The following PGAM5 variants were observed in gnomAD, a reference collection of about 807,000 sequenced individuals.
PGAM5 encodes PGAM family member 5, mitochondrial serine/threonine protein phosphatase.
Under a neutral mutation model 30.6 loss-of-function variants are expected in PGAM5, and 25 were observed. That is an observed-to-expected ratio of 0.82 (90% CI 0.60 to 1.14). The LOEUF (loss-of-function observed/expected upper bound fraction) is 1.14, where lower values mean the gene tolerates loss of function less well. Among genes scored for constraint, PGAM5 ranks in the 50% most tolerant of loss-of-function variants. The pLI, the probability that PGAM5 is intolerant of heterozygous loss-of-function variation, is 0.00. For missense variants in PGAM5, 384 were observed against 408.5 expected (o/e 0.94, Z 0.52); for synonymous variants, 201 against 179.1 (o/e 1.12, Z -0.98).
chr12:132,711,097 C>T (rs2136077149), intron 1 of PGAM5, 30 bp downstream of exon 1: 3 of 1,198,190 alleles, frequency 2.5e-6, no homozygotes, highest in South Asian at 4.2e-5. Context: ...GGGCCGGGGT[C>T]GGGATGGGGG....
intron 5 of PGAM5, 96 bp downstream of exon 5, chr12:132,718,216 T>C (rs2043603082): frequency 1.3e-6 from 2 of 1,509,660 alleles, no homozygotes; most frequent in East Asian, 2.3e-5. Flanking sequence ...CCACTGCCGA[T>C]GCCACCCTAG....
intron 2 of PGAM5, among the ~76,000 whole-genome samples, chr12:132,715,707 C>T (rs1195923386): frequency 6.6e-6 from 1 of 151,952 alleles, no homozygotes; most frequent in East Asian, 1.9e-4. Flanking sequence ...GGCGAAACCT[C>T]GTCACTACTA....
intron 5 of PGAM5, 67 bp downstream of exon 5, chr12:132,718,187 A>AG: frequency 1.3e-6 from 2 of 1,588,614 alleles, no homozygotes; most frequent in Non-Finnish European, 1.7e-6. Flanking sequence ...ATGAGGAAGA[A>AG]GCCGAGCGAG....
chr12:132,720,653 T>C (rs1187516830), intron 5 of PGAM5, 25 bp from the exon 6 acceptor site: 2 of 1,529,528 alleles, frequency 1.3e-6, no homozygotes, highest in Non-Finnish European at 1.8e-6. Context: ...TAACGTGCTC[T>C]TTCTCTCTCT....
chr12:132,719,351 T>G (rs2043620755), intron 5 of PGAM5, among the ~76,000 whole-genome samples: 1 of 152,142 alleles, frequency 6.6e-6, no homozygotes, highest in African/African-American at 2.4e-5. Context: ...CTGGGGCTGC[T>G]GGGAGCACCA....
chr12:132,711,619 C>T (rs2043523594), intron 1 of PGAM5: 1 of 151,862 alleles, frequency 6.6e-6, no homozygotes, highest in Non-Finnish European at 1.5e-5. Flanking sequence ...CCCATCTCTA[C>T]AAAAAATACA....
intron 5 of PGAM5, chr12:132,719,250 T>C (rs1372213104): frequency 8.9e-6 from 10 of 1,118,956 alleles, no homozygotes; most frequent in African/African-American, 1.7e-5. Context: ...ACGAGTCCTG[T>C]GGTGGGAGGA....
chr12:132,716,755 G>A (rs2043581735), intron 2 of PGAM5, among the ~76,000 whole-genome samples: 2 of 152,198 alleles, frequency 1.3e-5, no homozygotes, highest in Admixed American at 1.3e-4. Flanking sequence ...ATGGGATAGT[G>A]CCTGTTCATG....
rs557299798 is a variant in PGAM5 at position 132,717,756 on chromosome 12, C to G, written c.543C>G (p.Ile181Met). Reference sequence around the variant, plus strand: ...ATCTGCTGCGGGAAGGCGCCCCCATCGAGCCAGACCCGCCCGTGTCTCATT... The same window carrying G: ...ATCTGCTGCGGGAAGGCGCCCCCATGGAGCCAGACCCGCCCGTGTCTCATT... ...STDLLREGAPIEPDPPVSHWK... is the reference protein window; with the variant it reads ...STDLLREGAPMEPDPPVSHWK... Residue 181 changes from isoleucine (I) to methionine (M), a missense_variant, in exon 4 of 6, where the codon ATC (isoleucine) becomes ATG (methionine). Coordinates refer to ENST00000498926, the MANE Select transcript of PGAM5 (RefSeq NM_001170543.2). 18 of 1,585,244 alleles carry G rather than the reference C, an allele frequency of 1.1e-5. No homozygotes were observed. The highest frequency in any genetic ancestry group is 2.3e-5 in the East Asian group (1 of 43,348).
intron 1 of PGAM5, chr12:132,711,372 G>A: frequency 4.6e-6 from 1 of 217,776 alleles, no homozygotes; most frequent in Non-Finnish European, 9.0e-6. Context: ...TGAGGTGGAA[G>A]CCGGGCCTCC....
At position 132,717,911 on chromosome 12, in the gene PGAM5, G is replaced by A. The variant is rs1238931607; in HGVS notation, c.586-76G>A. The stretch of plus-strand genomic sequence containing the variant: ...GGCCGTCCCACGGGCTTCCCCGGGC[G>A]GCGATGGGGTCTGTCCTCCTGACAC... On this transcript the variant is annotated intron_variant, in intron 4 of 5. Transcript: ENST00000498926. 2.1e-5 allele frequency: 33 copies of A among 1,600,380 alleles called. No individual in the cohort carries two copies. The East Asian group carries it at 2.5e-4, about 12-fold the overall frequency.
chr12:132,710,984 C>G lies in PGAM5; in HGVS notation c.108C>G (p.Asp36Glu). The stretch of plus-strand genomic sequence containing the variant: ...TAGGGAAGCCGCGCGCAGGCGGGGA[C>G]GCGGAGCCACGCCCGGCTGAGCCGC... ...VAVGKPRAGG[D>E]AEPRPAEPPA... The change falls in exon 1 of 6, where the codon GAC (aspartate) becomes GAG (glutamate). Residue 36 changes from aspartate to glutamate, a missense_variant. Transcript: ENST00000498926. 8.3e-7 allele frequency: 1 copy of G among 1,198,312 alleles called. No individual in the cohort carries two copies. The highest frequency in any genetic ancestry group is 1.0e-6 in the Non-Finnish European group (1 of 966,998). The allele number at this position is 1,198,312 out of a possible 1,614,324, so 74.2% of individuals were successfully genotyped here.
chr12:132,717,400 G>C, intron 2 of PGAM5, 39 bp from the exon 3 acceptor site: 1 of 1,597,328 alleles, frequency 6.3e-7, no homozygotes, highest in Non-Finnish European at 8.5e-7. Flanking sequence ...GTGGAGGAGG[G>C]GGTGCAGGTG....
chr12:132,719,196 A>G lies in PGAM5; in HGVS notation c.719+1076A>G, dbSNP rs564690794. 71 of 1,170,938 alleles carry G rather than the reference A, an allele frequency of 6.1e-5. 3 individuals are homozygous for G. In the South Asian group the frequency reaches 9.9e-4, roughly 16 times the overall value. 72.5% of individuals were successfully genotyped at this position (1,170,938 alleles called of 1,614,324 possible). On this transcript the variant is annotated intron_variant, in intron 5 of 5. Coordinates refer to ENST00000498926, the MANE Select transcript of PGAM5 (RefSeq NM_001170543.2). The stretch of plus-strand genomic sequence containing the variant: ...GCCTCTTCTCTGGATCCATTAGGAA[A>G]TGTGTGTGTGGGCTCCGCAGCTGAG...
chr12:132,722,335 C>T lies in PGAM5; in HGVS notation c.*1507C>T, dbSNP rs1380226646. On this transcript the variant is annotated 3_prime_UTR_variant, in exon 6 of 6. Transcript: ENST00000498926. The stretch of plus-strand genomic sequence containing the variant: ...GCGCGATCTCGGCTCACTGCAACCT[C>T]TGCCTCCTGGGTTCAAACGATTCTC... 3 of 151,040 alleles carry T rather than the reference C, an allele frequency of 2.0e-5. No homozygotes were observed. Among genetic ancestry groups the T allele is most frequent in the African/African-American group, 7.3e-5 (3 of 41,082 alleles). 9.4% of individuals were successfully genotyped at this position (151,040 alleles called of 1,614,324 possible).
At position 132,714,927 on chromosome 12, in the gene PGAM5, C is replaced by T; in HGVS notation, c.261C>T (p.Ser87=). ...AATCTGGGGAAGAAGAGCTGGCGTC[C>T]AAGCTGGACCACTACAAAGCCAAGG... ...NVESGEEELA[S]KLDHYKAKAT... is the part of the protein sequence containing the mutation. The change falls in exon 2 of 6, where the codon TCC becomes TCT. Residue 87 remains serine (S), a synonymous_variant. Transcript: ENST00000498926. The T allele has an allele frequency of 6.2e-7, 1 of 1,613,696 alleles. No homozygotes were observed.
intron 2 of PGAM5, 140 bp from the exon 3 acceptor site, chr12:132,717,299 C>G (rs113792943): frequency 1.1e-6 from 1 of 870,668 alleles, no homozygotes; most frequent in African/African-American, 2.6e-5. Context: ...GTCGTGTTTG[C>G]GGGCGGAGGA....
In PGAM5 at chr12:132,711,012, G is replaced by C. The variant is rs1267713996; in HGVS notation, c.136G>C (p.Ala46Pro). The stretch of plus-strand genomic sequence containing the variant: ...GGAGCCACGCCCGGCTGAGCCGCCG[G>C]CCTGGGCGGGGGGCGCGCGGCCGGG... Reference protein sequence around the residue: ...DAEPRPAEPPAWAGGARPGPG... With the variant: ...DAEPRPAEPPPWAGGARPGPG... Residue 46 changes from alanine (A) to proline (P), a missense_variant, in exon 1 of 6, where the codon GCC becomes CCC. By Grantham distance (27) the Ala-to-Pro change is conservative. Coordinates refer to ENST00000498926, the MANE Select transcript of PGAM5 (RefSeq NM_001170543.2). The C allele has an allele frequency of 1.6e-6, 2 of 1,212,942 alleles. No homozygotes were observed. The highest frequency in any genetic ancestry group is 3.3e-5 in the East Asian group (1 of 30,228). The allele number at this position is 1,212,942 out of a possible 1,614,324, so 75.1% of individuals were successfully genotyped here. A position where few individuals can be genotyped will look rare whatever the true frequency, so the allele number is the denominator to read the frequency against.
chr12:132,719,100 C>T (rs1211593409), intron 5 of PGAM5: 6 of 1,387,424 alleles, frequency 4.3e-6, no homozygotes, highest in South Asian at 1.6e-5. Flanking sequence ...AGGGCCAGCT[C>T]TACGGTTACA....
Sources: allele counts gnomAD v4.1 joint callset (sites outside exome capture counted in the v4.1 genomes callset), GRCh38; gene constraint gnomAD v4.1.1; transcripts MANE v1.5; gene names NCBI Gene and HGNC (gene_info 2026-07-23, HGNC 2026-07-21).